PLD5: variants seen among roughly 807,000 people sequenced by gnomAD.
PLD5 encodes the protein phospholipase D family member 5.
PLD5 carries 36 observed loss-of-function variants against 61.1 expected under a neutral mutation model. That is an observed-to-expected ratio of 0.59 (90% CI 0.45 to 0.78). The LOEUF is 0.78. Ranked by LOEUF, PLD5 falls within the 30% of genes least tolerant of loss-of-function variation. PLD5 has a pLI of 0.00. For missense variants in PLD5, 515 were observed against 644.4 expected (o/e 0.80, Z 2.17); for synonymous variants, 243 against 242.8 (o/e 1.00, Z -0.01).
At chr1:242,203,837 T>C (rs1669146171) in intron 5 of PLD5, 1 of 152,244 alleles carries the variant, frequency 6.6e-6, no homozygotes, top group Non-Finnish European at 1.5e-5. Context: ...CCTTTACTTA[T>C]TCTCCCGTAA....
chr1:242,237,679 T>C (rs964846918), intron 4 of PLD5, among the ~76,000 whole-genome samples: 1 of 152,166 alleles, frequency 6.6e-6, no homozygotes, highest in Admixed American at 6.5e-5. Context: ...TTCTTATGGC[T>C]TTCTCCACAT....
chr1:242,332,700 C>T (rs1355250133), intron 2 of PLD5, among the ~76,000 whole-genome samples: 1 of 152,198 alleles, frequency 6.6e-6, no homozygotes, highest in Non-Finnish European at 1.5e-5. Flanking sequence ...AGAGCTTTTA[C>T]ATCAAGTGGC....
At chr1:242,291,289 C>T (rs1032119036) in intron 2 of PLD5, among the ~76,000 whole-genome samples, 13 of 152,160 alleles carry the variant, frequency 8.5e-5, no homozygotes, top group African/African-American at 3.1e-4. Flanking sequence ...TGACCTGCTC[C>T]TCCTCTTTCA....
At chr1:242,465,050 C>A (rs995476509) in intron 1 of PLD5, among the ~76,000 whole-genome samples, 1 of 152,042 alleles carries the variant, frequency 6.6e-6, no homozygotes, top group Admixed American at 6.5e-5. Flanking sequence ...TATGGGGTGA[C>A]AAAAATGTTT....
At chr1:242,415,582 G>A (rs931209722) in intron 1 of PLD5, among the ~76,000 whole-genome samples, 2 of 150,072 alleles carry the variant, frequency 1.3e-5, no homozygotes, top group South Asian at 2.1e-4. Flanking sequence ...GCGAGATCTC[G>A]GTTCACTGCA....
chr1:242,163,213 G>T (rs190811691), intron 5 of PLD5, among the ~76,000 whole-genome samples: 7 of 148,962 alleles, frequency 4.7e-5, no homozygotes, highest in African/African-American at 1.5e-4. Flanking sequence ...GCGCGATCTC[G>T]GCTCACTGCA....
Position 242,166,485 on chromosome 1 carries a change from C to T in PLD5, c.736-41820G>A, listed in dbSNP as rs997716661. Among the ~76,000 whole-genome samples the T allele has an allele frequency of 3.3e-5, 5 of 151,940 alleles. 1 individual carries two copies. Among genetic ancestry groups the T allele is most frequent in the African/African-American group, 1.2e-4 (5 of 41,180 alleles). ...TCATGCACATGTGTGCATGTACACA[C>T]ATACACCCTGATGGGAGCACTGCAT... On this transcript the variant is annotated intron_variant, in intron 5 of 9. Transcript: ENST00000536534.
At chr1:242,227,287 C>T (rs545985243) in intron 4 of PLD5, among the ~76,000 whole-genome samples, 59 of 152,088 alleles carry the variant, frequency 3.9e-4, no homozygotes, top group East Asian at 1.9e-4. Flanking sequence ...TGGGTTAAAG[C>T]GATCCTCCAG....
intron 5 of PLD5, among the ~76,000 whole-genome samples, chr1:242,162,822 A>C (rs1004193063): frequency 2.0e-5 from 3 of 152,200 alleles, no homozygotes; most frequent in African/African-American, 7.2e-5. Flanking sequence ...AGAATCACAA[A>C]GCATGTGCAT....
chr1:242,139,629 C>T (rs1664012186), intron 5 of PLD5, among the ~76,000 whole-genome samples: 1 of 152,134 alleles, frequency 6.6e-6, no homozygotes, highest in African/African-American at 2.4e-5. Context: ...CTGCAGTTTC[C>T]TTTTGCGCCT....
At chr1:242,328,158 G>A (rs1249561502) in intron 2 of PLD5, among the ~76,000 whole-genome samples, 1 of 152,118 alleles carries the variant, frequency 6.6e-6, no homozygotes, top group Non-Finnish European at 1.5e-5. Flanking sequence ...CAACTAGAAA[G>A]AAAACTATTA....
chr1:242,341,979 A>G (rs1475017479), intron 2 of PLD5, among the ~76,000 whole-genome samples: 1 of 151,818 alleles, frequency 6.6e-6, no homozygotes, highest in Non-Finnish European at 1.5e-5. Flanking sequence ...GGAGGTCTTG[A>G]ACAGAGGCTG....
At chr1:242,454,522 C>G (rs1666887754) in intron 1 of PLD5, among the ~76,000 whole-genome samples, 1 of 152,038 alleles carries the variant, frequency 6.6e-6, no homozygotes, top group Non-Finnish European at 1.5e-5. Context: ...GAAACCATCA[C>G]TTTCTAAAAC....
intron 2 of PLD5, among the ~76,000 whole-genome samples, chr1:242,319,356 C>A (rs2796089): frequency 0.51 from 75,209 of 146,446 alleles, 21,046 homozygotes; most frequent in East Asian, 0.83. Context: ...ATATATAGTC[C>A]CTATAAATAA....
chr1:242,362,078 C>A (rs1390504143), intron 1 of PLD5, among the ~76,000 whole-genome samples: 1 of 151,538 alleles, frequency 6.6e-6, no homozygotes. Flanking sequence ...AAAAATTATC[C>A]AAAAATTAAA....
chr1:242,414,723 T>A (rs1664731508), intron 1 of PLD5, among the ~76,000 whole-genome samples: 1 of 152,154 alleles, frequency 6.6e-6, no homozygotes, highest in South Asian at 2.1e-4. Flanking sequence ...CGTGGGAGAA[T>A]TTTCTCACTG....
At chr1:242,135,067 C>A (rs1021718409) in intron 5 of PLD5, among the ~76,000 whole-genome samples, 1 of 152,152 alleles carries the variant, frequency 6.6e-6, no homozygotes, top group Non-Finnish European at 1.5e-5. Flanking sequence ...GTGTTTGTAA[C>A]TGACAAATTC....
intron 1 of PLD5, among the ~76,000 whole-genome samples, chr1:242,391,975 C>A (rs748214924): frequency 6.6e-6 from 1 of 152,154 alleles, no homozygotes; most frequent in Non-Finnish European, 1.5e-5. Context: ...ATTGCAGCAC[C>A]ATTCACAATA....
At chr1:242,283,220 C>A (rs1022511082) in intron 3 of PLD5, among the ~76,000 whole-genome samples, 1 of 152,132 alleles carries the variant, frequency 6.6e-6, no homozygotes, top group African/African-American at 2.4e-5. Context: ...GAGACCAGAT[C>A]AATAAAATGT....
Sources: allele counts gnomAD v4.1 joint callset (sites outside exome capture counted in the v4.1 genomes callset), GRCh38; gene constraint gnomAD v4.1.1; transcripts MANE v1.5; gene names NCBI Gene and HGNC (gene_info 2026-07-23, HGNC 2026-07-21).